Variants in PALLD observed in about 807,000 individuals in gnomAD.
PALLD encodes palladin, cytoskeletal associated protein, also known as palladin.
PALLD carries 61 observed loss-of-function variants against 123.5 expected under a neutral mutation model. The observed-to-expected ratio is 0.49, with a 90% confidence interval of 0.40 to 0.61. The LOEUF (loss-of-function observed/expected upper bound fraction) is 0.61, where lower values mean the gene tolerates loss of function less well. Ranked by LOEUF, PALLD falls within the 20% of genes least tolerant of loss-of-function variation. PALLD has a pLI of 0.00. For synonymous variants in PALLD, 465 were observed against 496.4 expected, an observed-to-expected ratio of 0.94 and a Z score of 0.84; for missense variants, 1,273 against 1,377.0, an observed-to-expected ratio of 0.92 and a Z score of 1.20.
chr4:168,628,400 G>A (rs1314972885), intron 2 of PALLD, among the ~76,000 whole-genome samples: 4 of 152,186 alleles, frequency 2.6e-5, no homozygotes, highest in African/African-American at 9.7e-5. Flanking sequence ...CACTGGTTTA[G>A]CGGGTCCTAC....
chr4:168,865,602 T>C (rs556851279), intron 10 of PALLD, among the ~76,000 whole-genome samples: 55 of 152,332 alleles, frequency 3.6e-4, no homozygotes, highest in African/African-American at 1.3e-3. Context: ...TATAGGCCTA[T>C]GTTAATAGAA....
intron 2 of PALLD, among the ~76,000 whole-genome samples, chr4:168,643,084 G>A (rs910969120): frequency 7.2e-5 from 11 of 152,264 alleles, no homozygotes; most frequent in African/African-American, 2.6e-4. Flanking sequence ...GTTGCCTATT[G>A]GGTTATAACT....
intron 5 of PALLD, among the ~76,000 whole-genome samples, 172 bp downstream of exon 5, chr4:168,683,275 T>C (rs1781731360): frequency 6.6e-6 from 1 of 152,230 alleles, no homozygotes; most frequent in Non-Finnish European, 1.5e-5. Context: ...TTCAGTTCAC[T>C]AAAAACAACC....
At chr4:168,819,383 G>T (rs1742404366) in intron 10 of PALLD, among the ~76,000 whole-genome samples, 2 of 151,216 alleles carry the variant, frequency 1.3e-5, no homozygotes, top group South Asian at 4.2e-4. Context: ...GTATAGCTGT[G>T]AATAATGTGA....
At chr4:168,653,377 A>T (rs1416816645) in intron 2 of PALLD, among the ~76,000 whole-genome samples, 1 of 152,210 alleles carries the variant, frequency 6.6e-6, no homozygotes, top group African/African-American at 2.4e-5. Context: ...TACATATAGG[A>T]TGGACCTCTC....
intron 10 of PALLD, among the ~76,000 whole-genome samples, chr4:168,822,856 C>T (rs1742916288): frequency 6.6e-6 from 1 of 152,090 alleles, no homozygotes; most frequent in African/African-American, 2.4e-5. Context: ...CCTTGTGACA[C>T]CTGCTGATTT....
intron 10 of PALLD, among the ~76,000 whole-genome samples, chr4:168,811,321 C>G (rs1307915824): frequency 1.3e-5 from 2 of 152,130 alleles, no homozygotes; most frequent in Non-Finnish European, 2.9e-5. Context: ...TCTACTAGCA[C>G]CTGGCTGTTT....
chr4:168,658,477 G>A (rs560888723), intron 2 of PALLD, among the ~76,000 whole-genome samples: 2 of 151,952 alleles, frequency 1.3e-5, no homozygotes, highest in African/African-American at 2.4e-5. Context: ...TGTAGAGACA[G>A]GGTCTTGTCA....
chr4:168,679,604 T>C (rs62333890), intron 3 of PALLD, among the ~76,000 whole-genome samples: 18,371 of 147,372 alleles, frequency 0.12, 1,377 homozygotes, highest in African/African-American at 0.19. Context: ...ACTTATGGAG[T>C]GCACACCATT....
At chr4:168,906,179 T>G (rs139128237) in intron 15 of PALLD, among the ~76,000 whole-genome samples, 21 of 152,346 alleles carry the variant, frequency 1.4e-4, no homozygotes, top group African/African-American at 4.6e-4. Flanking sequence ...GGGATGGAAT[T>G]ATCTGTGGTC....
intron 10 of PALLD, among the ~76,000 whole-genome samples, chr4:168,770,182 G>A (rs1181496542): frequency 3.3e-5 from 5 of 152,204 alleles, no homozygotes; most frequent in Non-Finnish European, 5.9e-5. Flanking sequence ...CTCTGGAAAC[G>A]GTTGTCTAAG....
At chr4:168,838,608 A>G (rs1268624976) in intron 10 of PALLD, among the ~76,000 whole-genome samples, 1 of 145,038 alleles carries the variant, frequency 6.9e-6, no homozygotes, top group Non-Finnish European at 1.5e-5. Context: ...CTTCCACAGT[A>G]TATTGGAGAT....
intron 10 of PALLD, chr4:168,756,384 T>TA (rs1164148684): frequency 1.4e-4 from 30 of 208,012 alleles, no homozygotes; most frequent in Admixed American, 6.4e-4. Flanking sequence ...GGCTGATGAG[T>TA]AAAATCTAAG....
chr4:168,868,311 G>A (rs950493678), intron 10 of PALLD, among the ~76,000 whole-genome samples: 3 of 152,196 alleles, frequency 2.0e-5, no homozygotes, highest in Non-Finnish European at 4.4e-5. Context: ...GGGTAGAAGC[G>A]TATCTGTAAA....
chr4:168,745,448 C>T (rs906602149), intron 10 of PALLD, among the ~76,000 whole-genome samples: 3 of 147,812 alleles, frequency 2.0e-5, no homozygotes, highest in Non-Finnish European at 4.5e-5. Context: ...AATAATGATT[C>T]ATTCTCTTAA....
intron 2 of PALLD, among the ~76,000 whole-genome samples, chr4:168,568,654 G>A (rs1768658804): frequency 6.6e-6 from 1 of 151,978 alleles, no homozygotes; most frequent in Non-Finnish European, 1.5e-5. Flanking sequence ...GTTTGTGTAT[G>A]TATAAGGTAC....
At chr4:168,850,523 CTTTTTTTTTTTT>C (rs767777801) in intron 10 of PALLD, among the ~76,000 whole-genome samples, 2 of 34,692 alleles carry the variant, frequency 5.8e-5, no homozygotes, top group African/African-American at 1.3e-4. Context: ...TCTGTCATTT[CTTTTTTTTTTTT>C]TTTTTTTTTT....
chr4:168,569,161 C>T (rs1405755868), intron 2 of PALLD, among the ~76,000 whole-genome samples: 2 of 152,102 alleles, frequency 1.3e-5, no homozygotes, highest in African/African-American at 4.8e-5. Flanking sequence ...AGCACATTAA[C>T]TCAAACAATA....
intron 10 of PALLD, among the ~76,000 whole-genome samples, chr4:168,883,483 G>A (rs1752911852): frequency 6.6e-6 from 1 of 152,212 alleles, no homozygotes. Context: ...TTCTCTGGTT[G>A]ATTCTGGTAC....
Sources: allele counts gnomAD v4.1 joint callset (sites outside exome capture counted in the v4.1 genomes callset), GRCh38; gene constraint gnomAD v4.1.1; transcripts MANE v1.5; gene names NCBI Gene and HGNC (gene_info 2026-07-23, HGNC 2026-07-21).